Variants in IMMP2L observed in about 807,000 individuals in gnomAD.
The protein encoded by IMMP2L is inner mitochondrial membrane peptidase subunit 2.
IMMP2L carries 18 observed loss-of-function variants against 19.3 expected under a neutral mutation model. The ratio of observed to expected loss-of-function variants is 0.93; its 90% confidence interval spans 0.64 to 1.38. The LOEUF is 1.38. Among genes scored for constraint, IMMP2L ranks in the 40% most tolerant of loss-of-function variants. The probability of loss-of-function intolerance (pLI) is 0.00; values close to 1 mark genes in which losing one functional copy is unlikely to be tolerated. For missense variants in IMMP2L, 233 were observed against 218.2 expected, an observed-to-expected ratio of 1.07 and a Z score of -0.43; for synonymous variants, 76 against 73.0, an observed-to-expected ratio of 1.04 and a Z score of -0.21.
At chr7:111,195,041 C>T (rs1459054665) in intron 3 of IMMP2L, among the ~76,000 whole-genome samples, 1 of 151,970 alleles carries the variant, frequency 6.6e-6, no homozygotes, top group Non-Finnish European at 1.5e-5. Flanking sequence ...AAACTGTCAC[C>T]ATTTAGTATA....
intron 3 of IMMP2L, among the ~76,000 whole-genome samples, chr7:111,450,417 T>A (rs1188294321): frequency 6.6e-6 from 1 of 152,032 alleles, no homozygotes; most frequent in Non-Finnish European, 1.5e-5. Context: ...TACCTACAAC[T>A]ATCTGATCTT....
At chr7:111,139,597 G>A (rs1474051101) in intron 3 of IMMP2L, among the ~76,000 whole-genome samples, 1 of 152,036 alleles carries the variant, frequency 6.6e-6, no homozygotes, top group Admixed American at 6.6e-5. Context: ...ACAGATAGTA[G>A]TAATTAGCCT....
chr7:111,304,601 A>G (rs1822627794), intron 3 of IMMP2L, among the ~76,000 whole-genome samples: 2 of 151,698 alleles, frequency 1.3e-5, no homozygotes, highest in African/African-American at 2.4e-5. Context: ...ATATGGGTGT[A>G]TATACATATA....
intron 3 of IMMP2L, among the ~76,000 whole-genome samples, chr7:111,215,791 T>C (rs970277364): frequency 3.3e-5 from 5 of 152,160 alleles, no homozygotes; most frequent in African/African-American, 1.2e-4. Flanking sequence ...GGCTGGCTCT[T>C]ACACAAAACT....
chr7:110,789,012 T>C (rs146403679), intron 5 of IMMP2L, among the ~76,000 whole-genome samples: 2 of 151,872 alleles, frequency 1.3e-5, no homozygotes, highest in East Asian at 3.9e-4. Flanking sequence ...TGTGTGGAAG[T>C]CCAAACTCAC....
At chr7:110,966,926 A>G (rs1819600567) in intron 3 of IMMP2L, among the ~76,000 whole-genome samples, 2 of 152,102 alleles carry the variant, frequency 1.3e-5, no homozygotes, top group South Asian at 4.1e-4. Context: ...GTGAAGGATT[A>G]TGTTTTACTT....
chr7:110,817,252 A>G (rs899544882), intron 5 of IMMP2L, among the ~76,000 whole-genome samples: 1 of 152,144 alleles, frequency 6.6e-6, no homozygotes, highest in African/African-American at 2.4e-5. Context: ...CTGATAAGCA[A>G]CTTCAGCAAA....
At chr7:111,224,085 T>C (rs979025971) in intron 3 of IMMP2L, among the ~76,000 whole-genome samples, 1 of 152,058 alleles carries the variant, frequency 6.6e-6, no homozygotes, top group African/African-American at 2.4e-5. Flanking sequence ...CCTTAGACCT[T>C]AGGCAACCCA....
intron 4 of IMMP2L, among the ~76,000 whole-genome samples, chr7:110,956,165 T>C (rs183543073): frequency 6.6e-6 from 1 of 152,042 alleles, no homozygotes; most frequent in Non-Finnish European, 1.5e-5. Context: ...ACCAGAAAGT[T>C]GTTTTTAATA....
intron 5 of IMMP2L, among the ~76,000 whole-genome samples, chr7:110,777,666 G>T (rs960625031): frequency 2.0e-5 from 3 of 151,948 alleles, no homozygotes; most frequent in Non-Finnish European, 2.9e-5. Context: ...GTGTCATTCT[G>T]CATTAATTTT....
chr7:110,937,195 G>C (rs997153913), intron 4 of IMMP2L, among the ~76,000 whole-genome samples: 55 of 152,134 alleles, frequency 3.6e-4, no homozygotes, highest in African/African-American at 1.3e-3. Flanking sequence ...AGAAATTAAA[G>C]TATAATAGAA....
At chr7:110,882,157 C>A (rs1809705663) in intron 5 of IMMP2L, among the ~76,000 whole-genome samples, 1 of 152,094 alleles carries the variant, frequency 6.6e-6, no homozygotes, top group African/African-American at 2.4e-5. Context: ...GTGATAGTGG[C>A]AAAAGAATTC....
intron 3 of IMMP2L, among the ~76,000 whole-genome samples, chr7:111,039,222 A>T (rs1791645856): frequency 6.6e-6 from 1 of 152,234 alleles, no homozygotes; most frequent in Non-Finnish European, 1.5e-5. Context: ...TTTGGAAAAC[A>T]TAAAATCTCA....
At chr7:111,449,033 C>A (rs993580355) in intron 3 of IMMP2L, among the ~76,000 whole-genome samples, 1 of 151,524 alleles carries the variant, frequency 6.6e-6, no homozygotes, top group African/African-American at 2.4e-5. Context: ...TCTGAATAGA[C>A]CAATAACAGG....
At chr7:110,712,908 C>T (rs1794986688) in intron 5 of IMMP2L, among the ~76,000 whole-genome samples, 1 of 142,400 alleles carries the variant, frequency 7.0e-6, no homozygotes, top group Non-Finnish European at 1.5e-5. Flanking sequence ...CGCACACTGT[C>T]TGGCACTCCC....
chr7:110,861,536 T>G (rs1325839286), intron 5 of IMMP2L, among the ~76,000 whole-genome samples: 4 of 152,032 alleles, frequency 2.6e-5, no homozygotes, highest in Non-Finnish European at 5.9e-5. Flanking sequence ...AGTGCTGGGT[T>G]TTATAGGTGT....
chr7:111,526,521 C>T (rs1846874603), intron 1 of IMMP2L, among the ~76,000 whole-genome samples: 2 of 152,134 alleles, frequency 1.3e-5, no homozygotes, highest in Admixed American at 6.5e-5. Flanking sequence ...CTATGATATA[C>T]AGATAATACG....
At chr7:110,818,878 C>T (rs1384397767) in intron 5 of IMMP2L, among the ~76,000 whole-genome samples, 1 of 145,612 alleles carries the variant, frequency 6.9e-6, no homozygotes, top group East Asian at 2.1e-4. Flanking sequence ...CCAAACACCG[C>T]ATATTCTCAC....
intron 3 of IMMP2L, among the ~76,000 whole-genome samples, chr7:111,187,438 A>G (rs1259233650): frequency 6.6e-6 from 1 of 152,150 alleles, no homozygotes; most frequent in Non-Finnish European, 1.5e-5. Flanking sequence ...ACCTTTTAAA[A>G]TATATAGCTA....
Sources: gnomAD v4.1 joint callset for allele counts (sites outside exome capture counted in the v4.1 genomes callset) on GRCh38, gnomAD v4.1.1 for gene constraint, MANE v1.5 for transcripts, NCBI Gene and HGNC (gene_info 2026-07-23, HGNC 2026-07-21) for gene names.